PCDH15: variants seen among roughly 807,000 people sequenced by gnomAD.
PCDH15 encodes the protein protocadherin related 15.
In PCDH15, 129 loss-of-function variants were observed where a neutral mutation model predicts 178.5. That is an observed-to-expected ratio of 0.72 (90% CI 0.63 to 0.84). The LOEUF is 0.84. Ranked by LOEUF, PCDH15 falls within the 40% of genes least tolerant of loss-of-function variation. PCDH15 has a pLI of 0.00. For missense variants in PCDH15, 2,230 were observed against 2,099.9 expected, an observed-to-expected ratio of 1.06 and a Z score of -1.21; for synonymous variants, 800 against 732.0, an observed-to-expected ratio of 1.09 and a Z score of -1.50.
chr10:54,417,986 C>T (rs916305172), intron 3 of PCDH15, among the ~76,000 whole-genome samples: 32 of 152,200 alleles, frequency 2.1e-4, no homozygotes, highest in African/African-American at 5.5e-4. Flanking sequence ...CAATAAAGTG[C>T]GTTACAGCTT....
chr10:54,848,100 C>A (rs1953545122), intron 3 of PCDH15, among the ~76,000 whole-genome samples: 1 of 152,108 alleles, frequency 6.6e-6, no homozygotes, highest in African/African-American at 2.4e-5. Context: ...ATAAATTAGT[C>A]CAGTGCATTG....
chr10:54,212,009 T>C (rs1049350654), intron 10 of PCDH15, among the ~76,000 whole-genome samples: 42 of 152,150 alleles, frequency 2.8e-4, no homozygotes, highest in African/African-American at 9.6e-4. Flanking sequence ...CTGTGGCCTA[T>C]TGTAATTGAT....
intron 1 of PCDH15, among the ~76,000 whole-genome samples, chr10:54,679,858 T>C (rs1179621706): frequency 6.6e-6 from 1 of 152,210 alleles, no homozygotes; most frequent in Non-Finnish European, 1.5e-5. Context: ...CAGACACTCA[T>C]TTTTTCCAAT....
chr10:54,621,514 CA>C (rs1198296989), intron 2 of PCDH15, among the ~76,000 whole-genome samples: 1 of 152,054 alleles, frequency 6.6e-6, no homozygotes, highest in African/African-American at 2.4e-5. Context: ...ATGTTTTAAG[CA>C]GATAACTCAA....
At chr10:54,433,084 G>A (rs562532919) in intron 3 of PCDH15, among the ~76,000 whole-genome samples, 1 of 152,174 alleles carries the variant, frequency 6.6e-6, no homozygotes, top group Admixed American at 6.5e-5. Context: ...TGCTGGAGAG[G>A]ATGTGGAGAA....
intron 16 of PCDH15, among the ~76,000 whole-genome samples, chr10:54,083,636 T>C (rs927325845): frequency 5.3e-5 from 8 of 152,108 alleles, no homozygotes; most frequent in Non-Finnish European, 1.0e-4. Flanking sequence ...AAATAAGGAA[T>C]AGGGAGCAAT....
At chr10:55,334,282 GTGTATGTGTA>G (rs1844309881) in intron 2 of PCDH15, among the ~76,000 whole-genome samples, 1 of 129,772 alleles carries the variant, frequency 7.7e-6, no homozygotes, top group African/African-American at 3.4e-5. Flanking sequence ...GTGTGTGTGT[GTGTATGTGTA>G]TATATCTATA....
chr10:54,541,180 G>A (rs1243498365), intron 2 of PCDH15, among the ~76,000 whole-genome samples: 1 of 151,932 alleles, frequency 6.6e-6, no homozygotes, highest in Admixed American at 6.6e-5. Flanking sequence ...TCAGGCAAGA[G>A]AAAGAAAGAA....
At chr10:54,637,980 C>T (rs2093901567) in intron 2 of PCDH15, among the ~76,000 whole-genome samples, 1 of 152,006 alleles carries the variant, frequency 6.6e-6, no homozygotes. Context: ...TTAGTACAGT[C>T]TCTTAAAATA....
intron 21 of PCDH15, among the ~76,000 whole-genome samples, chr10:53,981,399 C>T (rs539339233): frequency 2.2e-4 from 34 of 152,230 alleles, no homozygotes; most frequent in Non-Finnish European, 3.7e-4. Context: ...TGAGGCATCA[C>T]GCTACCTGAC....
chr10:55,544,162 AT>A (rs1311092046), intron 2 of PCDH15, among the ~76,000 whole-genome samples: 1 of 136,738 alleles, frequency 7.3e-6, no homozygotes, highest in African/African-American at 2.7e-5. Context: ...ATATATATAT[AT>A]ATATATATAT....
chr10:54,976,310 G>A (rs1191909644), intron 2 of PCDH15, among the ~76,000 whole-genome samples: 2 of 152,118 alleles, frequency 1.3e-5, no homozygotes, highest in East Asian at 3.9e-4. Context: ...CTGCTGCACA[G>A]ACAAAACCAA....
intron 1 of PCDH15, among the ~76,000 whole-genome samples, chr10:55,216,926 T>G (rs761759406): frequency 1.3e-5 from 2 of 151,926 alleles, no homozygotes; most frequent in Non-Finnish European, 2.9e-5. Context: ...AAATTTATCC[T>G]GCTAAAACAA....
At chr10:54,564,337 AAG>A (rs1250885328) in intron 2 of PCDH15, among the ~76,000 whole-genome samples, 1 of 152,150 alleles carries the variant, frequency 6.6e-6, no homozygotes, top group Non-Finnish European at 1.5e-5. Flanking sequence ...GAGGATTGAG[AAG>A]TATGGCTAAA....
intron 25 of PCDH15, among the ~76,000 whole-genome samples, chr10:53,917,228 C>G (rs1225707132): frequency 6.6e-6 from 1 of 151,902 alleles, no homozygotes; most frequent in Non-Finnish European, 1.5e-5. Flanking sequence ...GAAAATCAGA[C>G]AGTATATAAT....
chr10:54,894,591 C>G (rs1295970717), intron 3 of PCDH15, among the ~76,000 whole-genome samples: 1 of 152,110 alleles, frequency 6.6e-6, no homozygotes, highest in African/African-American at 2.4e-5. Context: ...ATTTGACTGT[C>G]TATACCTGTA....
intron 2 of PCDH15, among the ~76,000 whole-genome samples, chr10:55,149,689 T>G (rs1353771275): frequency 9.5e-6 from 1 of 105,192 alleles, no homozygotes; most frequent in Non-Finnish European, 2.2e-5. Context: ...CAGGGAGAGA[T>G]ATCTTTTTCT....
At chr10:55,073,773 C>T (rs976664992) in intron 2 of PCDH15, among the ~76,000 whole-genome samples, 1 of 152,060 alleles carries the variant, frequency 6.6e-6, no homozygotes, top group Non-Finnish European at 1.5e-5. Flanking sequence ...ATTCATCTAA[C>T]CGTAGGCTTT....
intron 2 of PCDH15, among the ~76,000 whole-genome samples, chr10:55,337,470 T>C (rs1483291776): frequency 6.6e-6 from 1 of 152,220 alleles, no homozygotes; most frequent in African/African-American, 2.4e-5. Flanking sequence ...TTATTCCTTC[T>C]TCCAATTTAT....
Sources: allele counts gnomAD v4.1 joint callset (sites outside exome capture counted in the v4.1 genomes callset), GRCh38; gene constraint gnomAD v4.1.1; transcripts MANE v1.5; gene names NCBI Gene and HGNC (gene_info 2026-07-23, HGNC 2026-07-21).